Variants in CDH4 observed in about 807,000 individuals in gnomAD.
The protein encoded by CDH4 is cadherin-4.
Under a neutral mutation model 86.0 loss-of-function variants are expected in CDH4, and 33 were observed. The ratio of observed to expected loss-of-function variants is 0.38; its 90% CI spans 0.29 to 0.51. The LOEUF (loss-of-function observed/expected upper bound fraction) is 0.51. Ranked by LOEUF, CDH4 falls within the 20% of genes least tolerant of loss-of-function variation. The probability of loss-of-function intolerance (pLI) is 0.86; values close to 1 mark genes in which losing one functional copy is unlikely to be tolerated. For synonymous variants in CDH4, 555 were observed against 549.4 expected, an observed-to-expected ratio of 1.01 and a Z score of -0.14; for missense variants, 1,114 against 1,307.4, an observed-to-expected ratio of 0.85 and a Z score of 2.28.
chr20:61,680,079 C>T (rs920750063), intron 2 of CDH4, among the ~76,000 whole-genome samples: 5 of 152,202 alleles, frequency 3.3e-5, no homozygotes, highest in African/African-American at 7.2e-5. Flanking sequence ...CCATGGAGGA[C>T]CCTGCCCCAG....
At chr20:61,778,084 T>G (rs1225995990) in intron 4 of CDH4, among the ~76,000 whole-genome samples, 1 of 152,194 alleles carries the variant, frequency 6.6e-6, no homozygotes, top group Non-Finnish European at 1.5e-5. Context: ...CCTCCCTCCC[T>G]CCACCCTCCC....
intron 6 of CDH4, among the ~76,000 whole-genome samples, chr20:61,866,268 A>G (rs1983545175): frequency 1.3e-5 from 2 of 152,066 alleles, no homozygotes; most frequent in African/African-American, 4.8e-5. Flanking sequence ...TCCAGGCCCT[A>G]CTCTGCTCTC....
intron 2 of CDH4, among the ~76,000 whole-genome samples, chr20:61,332,203 G>T (rs2084585646): frequency 6.6e-6 from 1 of 152,206 alleles, no homozygotes; most frequent in Admixed American, 6.5e-5. Context: ...GGCTTTGGAC[G>T]TCCATCAGGA....
At chr20:61,627,935 T>C (rs141767335) in intron 2 of CDH4, among the ~76,000 whole-genome samples, 1 of 152,052 alleles carries the variant, frequency 6.6e-6, no homozygotes, top group South Asian at 2.1e-4. Context: ...GCCAGCCGCC[T>C]CCTGGGCCCC....
chr20:61,920,227 G>C lies in CDH4; in HGVS notation c.1375-3224G>C, dbSNP rs1740372. On this transcript the variant is annotated intron_variant, in intron 9 of 15. Coordinates refer to ENST00000614565, the MANE Select transcript of CDH4 (RefSeq NM_001794.5). Reference sequence around the variant, plus strand: ...TGACTGCGTGGAAGCATGGTGTCACGGTGATTGCATGGAAGCGTGGTGTCA... The same window carrying C: ...TGACTGCGTGGAAGCATGGTGTCACCGTGATTGCATGGAAGCGTGGTGTCA... Among the ~76,000 whole-genome samples, 23 of 149,806 alleles carry C rather than the reference G, an allele frequency of 1.5e-4. No individual in the cohort carries two copies. The East Asian group carries it at 3.1e-3, about 20-fold the overall frequency.
chr20:61,832,016 T>A (rs1474729853), intron 4 of CDH4, among the ~76,000 whole-genome samples: 2 of 117,894 alleles, frequency 1.7e-5, no homozygotes, highest in African/African-American at 5.1e-5. Context: ...GGAGACCACC[T>A]TGCCCACTCA....
chr20:61,346,765 C>T (rs1421062139), intron 2 of CDH4, among the ~76,000 whole-genome samples: 3 of 150,092 alleles, frequency 2.0e-5, no homozygotes, highest in Non-Finnish European at 4.4e-5. Flanking sequence ...AAATTAACCC[C>T]TCTGCTGTGG....
intron 6 of CDH4, among the ~76,000 whole-genome samples, chr20:61,869,657 C>T (rs942438300): frequency 1.3e-5 from 2 of 152,236 alleles, no homozygotes; most frequent in African/African-American, 4.8e-5. Context: ...AATGCCAAAC[C>T]CTCTCACGTC....
At position 61,518,950 on chromosome 20, in the gene CDH4, TATCC is replaced by T. The variant is rs1445866875; in HGVS notation, c.170-224606_170-224603del. Among the ~76,000 whole-genome samples the T allele has an allele frequency of 2.1e-5, 3 of 144,404 alleles. No individual in the cohort carries two copies. The highest frequency in any genetic ancestry group is 4.6e-5 in the Non-Finnish European group (3 of 65,614). 94.7% of individuals were successfully genotyped at this position (144,404 alleles called of 152,430 possible). On this transcript the variant is annotated intron_variant, in intron 2 of 15. Coordinates refer to ENST00000614565, the MANE Select transcript of CDH4 (RefSeq NM_001794.5). This position sits in a 1 kb window ranked among gnomAD's most constrained non-coding sequence, Gnocchi z 6.3. ...CTCATTCATCCATCATTCATTCATC[TATCC>T]ATCCATTATTTATCCATCCATCCAT...
At chr20:61,834,578 A>G (rs1395376439) in intron 4 of CDH4, among the ~76,000 whole-genome samples, 1 of 152,218 alleles carries the variant, frequency 6.6e-6, no homozygotes, top group Non-Finnish European at 1.5e-5. Context: ...TGCATTAAAT[A>G]TCAATGAAGG....
intron 2 of CDH4, among the ~76,000 whole-genome samples, chr20:61,619,859 T>G (rs2086755634): frequency 6.6e-6 from 1 of 152,204 alleles, no homozygotes. Flanking sequence ...GAAGTTGCCG[T>G]AGGGCCTCTG....
chr20:61,692,758 A>C (rs2087673367), intron 2 of CDH4, among the ~76,000 whole-genome samples: 1 of 152,186 alleles, frequency 6.6e-6, no homozygotes, highest in Admixed American at 6.5e-5. Flanking sequence ...TTTCTGCAGC[A>C]ATTGATCAGA....
At chr20:61,828,430 G>A (rs1981425348) in intron 4 of CDH4, among the ~76,000 whole-genome samples, 1 of 152,152 alleles carries the variant, frequency 6.6e-6, no homozygotes, top group Admixed American at 6.5e-5. Flanking sequence ...ATCCAGTCCT[G>A]GGGAAACTGT....
At chr20:61,539,554 A>G (rs1012684874) in intron 2 of CDH4, among the ~76,000 whole-genome samples, 4 of 152,018 alleles carry the variant, frequency 2.6e-5, no homozygotes, top group African/African-American at 9.7e-5. Flanking sequence ...TAATGGCCTG[A>G]TTTTGCCTTA....
chr20:61,660,614 G>A (rs1281976855), intron 2 of CDH4, among the ~76,000 whole-genome samples: 6 of 152,136 alleles, frequency 3.9e-5, no homozygotes, highest in East Asian at 1.9e-4. Context: ...CGGGGCGGTC[G>A]TTCCCGGCAG....
At chr20:61,859,051 C>T (rs1476084397) in intron 6 of CDH4, among the ~76,000 whole-genome samples, 2 of 152,180 alleles carry the variant, frequency 1.3e-5, no homozygotes, top group Non-Finnish European at 2.9e-5. Flanking sequence ...CCCGGATTCT[C>T]GGCATCCTCA....
At chr20:61,854,428 T>C (rs973028164) in intron 6 of CDH4, among the ~76,000 whole-genome samples, 1 of 148,246 alleles carries the variant, frequency 6.7e-6, no homozygotes, top group Non-Finnish European at 1.5e-5. Context: ...GCCCCAGGGC[T>C]GCAGTGTGAA....
At chr20:61,749,605 A>T (rs2088462811) in intron 3 of CDH4, among the ~76,000 whole-genome samples, 1 of 152,190 alleles carries the variant, frequency 6.6e-6, no homozygotes, top group Non-Finnish European at 1.5e-5. Context: ...TAGATTTAGA[A>T]GTTAAGTAAA....
At chr20:61,424,165 C>G (rs570876764) in intron 2 of CDH4, among the ~76,000 whole-genome samples, 4 of 150,888 alleles carry the variant, frequency 2.7e-5, no homozygotes, top group Non-Finnish European at 5.9e-5. Flanking sequence ...CATATCCACA[C>G]ATATGTATCC....
Sources: gnomAD v4.1 joint callset for allele counts (sites outside exome capture counted in the v4.1 genomes callset) on GRCh38, gnomAD v4.1.1 for gene constraint, Gnocchi (gnomAD v3.1) non-coding constraint, MANE v1.5 for transcripts, NCBI Gene and HGNC (gene_info 2026-07-23, HGNC 2026-07-21) for gene names.